Variants in TENM3 observed in about 807,000 individuals in gnomAD.
TENM3 encodes the protein teneurin transmembrane protein 3.
Under a neutral mutation model 255.1 loss-of-function variants are expected in TENM3, and 63 were observed. The observed-to-expected ratio is 0.25, with a 90% CI of 0.20 to 0.30. The LOEUF is 0.30. Among genes scored for constraint, TENM3 ranks in the 10% least tolerant of loss-of-function variants. The pLI is 1.00. For synonymous variants in TENM3, 1,306 were observed against 1,322.3 expected (o/e 0.99, Z 0.27); for missense variants, 2,929 against 3,461.1 (o/e 0.85, Z 3.86).
the TENM3 span, among the ~76,000 whole-genome samples, chr4:181,849,935 T>TCC: frequency 2.8e-4 from 14 of 50,538 alleles, no homozygotes; most frequent in Non-Finnish European, 8.2e-4. Context: ...TCTCTTTCTC[T>TCC]CTCTCTCTCT....
At chr4:182,303,227 C>T (rs1431142278) in intron 1 of TENM3, among the ~76,000 whole-genome samples, 2 of 152,078 alleles carry the variant, frequency 1.3e-5, no homozygotes, top group Non-Finnish European at 2.9e-5. Flanking sequence ...TTTATCATCA[C>T]TTAGTATAGA....
At chr4:182,163,938 T>C (rs1751525979) in intron 1 of TENM3, among the ~76,000 whole-genome samples, 1 of 152,200 alleles carries the variant, frequency 6.6e-6, no homozygotes, top group South Asian at 2.1e-4. Context: ...TGCAATGTCA[T>C]AGATTCCCAT....
At chr4:181,537,902 G>A in the TENM3 span, among the ~76,000 whole-genome samples, 2 of 152,142 alleles carry the variant, frequency 1.3e-5, no homozygotes, top group East Asian at 3.9e-4. Flanking sequence ...ACACACAAAT[G>A]CTTAATGTAA....
intron 1 of TENM3, among the ~76,000 whole-genome samples, chr4:182,189,375 G>A (rs971334442): frequency 6.6e-6 from 1 of 151,962 alleles, no homozygotes; most frequent in African/African-American, 2.4e-5. Context: ...CATAATGAGT[G>A]GACGATTTTC....
At chr4:182,075,490 G>A in the TENM3 span, among the ~76,000 whole-genome samples, 5 of 152,048 alleles carry the variant, frequency 3.3e-5, no homozygotes, top group African/African-American at 9.7e-5. Flanking sequence ...GAGCCACCAC[G>A]CTCAGCCGAC....
the TENM3 span, among the ~76,000 whole-genome samples, chr4:181,704,394 C>T: frequency 6.7e-3 from 1,025 of 152,222 alleles, 8 homozygotes; most frequent in African/African-American, 0.023. Context: ...AACATAAATT[C>T]TCTTTACCAG....
chr4:182,587,731 A>G (rs1746186140), intron 3 of TENM3, among the ~76,000 whole-genome samples: 1 of 152,158 alleles, frequency 6.6e-6, no homozygotes, highest in Admixed American at 6.5e-5. Flanking sequence ...TTAAGCTTGA[A>G]AGATGCATCC....
chr4:182,787,764 A>G (rs1765793113), intron 24 of TENM3, among the ~76,000 whole-genome samples: 1 of 138,476 alleles, frequency 7.2e-6, no homozygotes, highest in Non-Finnish European at 1.6e-5. Flanking sequence ...AAAAAAAAAG[A>G]TGTGATTTCT....
the TENM3 span, among the ~76,000 whole-genome samples, chr4:182,106,592 A>G: frequency 1.3e-3 from 199 of 152,338 alleles, no homozygotes; most frequent in African/African-American, 4.5e-3. Context: ...GAGGCTGGCA[A>G]GAGGTTGCCT....
the TENM3 span, among the ~76,000 whole-genome samples, chr4:181,451,964 C>G: frequency 6.6e-6 from 1 of 151,838 alleles, no homozygotes; most frequent in South Asian, 2.1e-4. Context: ...GGAGGAGCAC[C>G]TTGGAGAGGA....
the TENM3 span, among the ~76,000 whole-genome samples, chr4:181,725,369 C>T: frequency 6.6e-6 from 1 of 151,604 alleles, no homozygotes; most frequent in African/African-American, 2.4e-5. Context: ...TACATTGTTA[C>T]ACCATTTAAA....
the TENM3 span, among the ~76,000 whole-genome samples, chr4:182,085,948 A>G: frequency 6.6e-6 from 1 of 152,208 alleles, no homozygotes; most frequent in African/African-American, 2.4e-5. Flanking sequence ...TCATATTAGG[A>G]AACTCTTCCT....
intron 4 of TENM3, among the ~76,000 whole-genome samples, chr4:182,620,264 C>T (rs931626878): frequency 3.3e-5 from 5 of 152,124 alleles, no homozygotes; most frequent in South Asian, 2.1e-4. Context: ...TCCATTCCTT[C>T]GTTAAATATT....
chr4:181,971,437 A>G, the TENM3 span, among the ~76,000 whole-genome samples: 14 of 152,226 alleles, frequency 9.2e-5, no homozygotes, highest in Admixed American at 7.9e-4. Context: ...GTGCAGCCAA[A>G]TCTAGAAAAA....
Position 182,537,096 on chromosome 4 carries a change from G to A in TENM3, c.512-63828G>A, listed in dbSNP as rs976830023. On this transcript the variant is annotated intron_variant, in intron 3 of 27. Transcript: ENST00000511685. Reference sequence around the variant, plus strand: ...AATAAGGATTTCAAGGAAGTACAGTGTGAATGAAGTGTTAGGAGCTCTGAT... The same window carrying A: ...AATAAGGATTTCAAGGAAGTACAGTATGAATGAAGTGTTAGGAGCTCTGAT... Among the ~76,000 whole-genome samples the A allele has an allele frequency of 2.6e-5, 4 of 152,210 alleles. No homozygotes were observed. The East Asian group carries it at 7.7e-4, about 29-fold the overall frequency.
chr4:182,442,841 C>CAT (rs796163852), intron 3 of TENM3, among the ~76,000 whole-genome samples: 4,882 of 92,284 alleles, frequency 0.053, 157 homozygotes, highest in African/African-American at 0.13. Flanking sequence ...TACATACATA[C>CAT]ATATATACAC....
At chr4:181,875,327 C>A in the TENM3 span, among the ~76,000 whole-genome samples, 2 of 152,066 alleles carry the variant, frequency 1.3e-5, no homozygotes, top group Admixed American at 1.3e-4. Context: ...GTTAGAGAAT[C>A]CCATAGTCCA....
intron 18 of TENM3, among the ~76,000 whole-genome samples, chr4:182,741,252 A>G (rs1761583356): frequency 6.6e-6 from 1 of 152,242 alleles, no homozygotes. Context: ...AACAGATTGC[A>G]GTTTAGAATT....
the TENM3 span, among the ~76,000 whole-genome samples, chr4:182,043,345 T>C: frequency 6.6e-6 from 1 of 152,356 alleles, no homozygotes; most frequent in East Asian, 1.9e-4. Flanking sequence ...CAGATTTTAA[T>C]AATTTACCAT....
Sources: allele counts gnomAD v4.1 joint callset (sites outside exome capture counted in the v4.1 genomes callset), GRCh38; gene constraint gnomAD v4.1.1; transcripts MANE v1.5; gene names NCBI Gene and HGNC (gene_info 2026-07-23, HGNC 2026-07-21).